NTRK2: variants seen among roughly 807,000 people sequenced by gnomAD.
NTRK2 encodes BDNF/NT-3 growth factors receptor.
NTRK2 carries 13 observed loss-of-function variants against 94.5 expected under a neutral mutation model. The observed-to-expected ratio is 0.14, with a 90% CI of 0.09 to 0.22. The LOEUF is 0.22. Ranked by LOEUF, NTRK2 falls within the 10% of genes least tolerant of loss-of-function variation. The probability of loss-of-function intolerance (pLI) is 1.00; values close to 1 mark genes in which losing one functional copy is unlikely to be tolerated. For missense variants in NTRK2, 639 were observed against 1,071.2 expected (o/e 0.60, Z 5.63); for synonymous variants, 372 against 407.4 (o/e 0.91, Z 1.05).
chr9:84,874,306 C>T (rs200641233), intron 14 of NTRK2: 37 of 1,065,254 alleles, frequency 3.5e-5, no homozygotes, highest in South Asian at 2.3e-4. Context: ...ATGGCACCAC[C>T]GGAGTTTTTC....
intron 12 of NTRK2, among the ~76,000 whole-genome samples, chr9:84,839,462 C>G (rs1254948345): frequency 1.3e-5 from 2 of 152,130 alleles, no homozygotes; most frequent in African/African-American, 4.8e-5. Context: ...ACTCTTGGAC[C>G]CGTCCTCCCA....
At chr9:84,926,111 TTCCTTCCTTCCTTCC>T (rs2077763208) in intron 14 of NTRK2, among the ~76,000 whole-genome samples, 2 of 44,436 alleles carry the variant, frequency 4.5e-5, no homozygotes, top group African/African-American at 1.4e-4. Flanking sequence ...CTTCCTTTCC[TTCCTTCCTTCCTTCC>T]TTCCTTCCTT....
chr9:84,870,297 C>G (rs1321941132), intron 14 of NTRK2, among the ~76,000 whole-genome samples: 1 of 102,514 alleles, frequency 9.8e-6, no homozygotes, highest in Non-Finnish European at 2.0e-5. Context: ...TATACATATA[C>G]ATGTACATAT....
At chr9:84,698,178 G>A (rs111789878) in intron 2 of NTRK2, among the ~76,000 whole-genome samples, 1,805 of 151,844 alleles carry the variant, frequency 0.012, 35 homozygotes, top group East Asian at 0.048. Context: ...CCTTTCCCAA[G>A]GCCACCTTCC....
At chr9:84,889,380 A>G (rs2076529973) in intron 14 of NTRK2, among the ~76,000 whole-genome samples, 1 of 152,198 alleles carries the variant, frequency 6.6e-6, no homozygotes, top group South Asian at 2.1e-4. Flanking sequence ...ACTTTTAAGT[A>G]AGACTCAAAA....
At chr9:84,969,348 A>C (rs761441455) in intron 17 of NTRK2, among the ~76,000 whole-genome samples, 1 of 152,242 alleles carries the variant, frequency 6.6e-6, no homozygotes, top group Non-Finnish European at 1.5e-5. Context: ...ACTTGTGTTA[A>C]AGGAAAAGTT....
chr9:84,805,007 TC>T (rs1200503117), intron 12 of NTRK2, among the ~76,000 whole-genome samples: 1 of 152,176 alleles, frequency 6.6e-6, no homozygotes, highest in Admixed American at 6.5e-5. Flanking sequence ...TTTAGGTGAT[TC>T]TGTGGATGGG....
chr9:84,951,983 T>C (rs1169105164), intron 16 of NTRK2, among the ~76,000 whole-genome samples: 1 of 152,200 alleles, frequency 6.6e-6, no homozygotes, highest in African/African-American at 2.4e-5. Flanking sequence ...ATAAAACACA[T>C]GTCTTTGCTT....
intron 10 of NTRK2, among the ~76,000 whole-genome samples, chr9:84,744,735 A>T (rs1012664335): frequency 1.3e-5 from 2 of 152,114 alleles, no homozygotes; most frequent in Non-Finnish European, 2.9e-5. Context: ...TTTGGGGCTG[A>T]CCAACAAGAC....
In NTRK2 at chr9:84,706,521, G is replaced by GTTTTTTTTTTTTTTTT. The variant is rs1173199220; in HGVS notation, c.360-1318_360-1317insTTTTTTTTTTTTTTTT. 7.2e-4 allele frequency among the ~76,000 whole-genome samples: 69 copies of GTTTTTTTTTTTTTTTT among 95,368 alleles called. 9 individuals carry two copies. The highest frequency in any genetic ancestry group is 0.011 in the Middle Eastern group (2 of 180). The allele number at this position is 95,368 out of a possible 152,430, so 62.6% of individuals were successfully genotyped here. The stretch of plus-strand genomic sequence containing the variant: ...TCAGATCTCATGTGTGTTATTTTTT[G>GTTTTTTTTTTTTTTTT]TTTTTGTTTTTTTTTTTTTTTTTTT... On this transcript the variant is annotated intron_variant, in intron 4 of 18. Coordinates refer to ENST00000277120, the MANE Select transcript of NTRK2 (RefSeq NM_006180.6).
At chr9:84,697,912 GTCTC>G (rs2060485856) in intron 2 of NTRK2, among the ~76,000 whole-genome samples, 2 of 151,988 alleles carry the variant, frequency 1.3e-5, no homozygotes, top group African/African-American at 2.4e-5. Context: ...TGCAGTCTCT[GTCTC>G]TCTTTCTTTC....
intron 12 of NTRK2, among the ~76,000 whole-genome samples, chr9:84,848,965 T>G (rs1161234913): frequency 6.6e-6 from 1 of 152,198 alleles, no homozygotes; most frequent in Non-Finnish European, 1.5e-5. Context: ...TTGTAAACAT[T>G]TATATATTAC....
intron 11 of NTRK2, among the ~76,000 whole-genome samples, chr9:84,748,138 A>C (rs2064260761): frequency 6.6e-6 from 1 of 152,200 alleles, no homozygotes; most frequent in Admixed American, 6.5e-5. Flanking sequence ...AAATATCCTC[A>C]GATGAAAACT....
chr9:84,820,655 C>T (rs951938466), intron 12 of NTRK2, among the ~76,000 whole-genome samples: 4 of 152,110 alleles, frequency 2.6e-5, no homozygotes, highest in African/African-American at 4.8e-5. Context: ...CTAAAAATTT[C>T]GAATATATTC....
At chr9:84,939,200 C>T (rs761610512) in intron 15 of NTRK2, among the ~76,000 whole-genome samples, 27 of 151,262 alleles carry the variant, frequency 1.8e-4, no homozygotes, top group African/African-American at 3.2e-4. Flanking sequence ...TATAGAATAA[C>T]GTAATCTAAC....
chr9:84,791,259 G>T (rs537983356), intron 12 of NTRK2, among the ~76,000 whole-genome samples: 41 of 152,168 alleles, frequency 2.7e-4, no homozygotes, highest in African/African-American at 9.2e-4. Context: ...ATTACTTGAG[G>T]ACTTTGACCA....
At chr9:84,888,152 A>C (rs1587831436) in intron 14 of NTRK2, among the ~76,000 whole-genome samples, 1 of 152,338 alleles carries the variant, frequency 6.6e-6, no homozygotes, top group East Asian at 1.9e-4. Context: ...TCTTGGGTTC[A>C]GATGTTAGAG....
intron 17 of NTRK2, among the ~76,000 whole-genome samples, chr9:84,992,403 G>A (rs1374837524): frequency 6.6e-6 from 1 of 152,012 alleles, no homozygotes; most frequent in Non-Finnish European, 1.5e-5. Flanking sequence ...GTTCTCGGGG[G>A]CTACTCCACT....
At chr9:84,676,866 A>G (rs531033939) in intron 2 of NTRK2, among the ~76,000 whole-genome samples, 5 of 152,324 alleles carry the variant, frequency 3.3e-5, no homozygotes, top group Non-Finnish European at 5.9e-5. Context: ...TGAGAGACCA[A>G]GTAATTGAAA....
Sources: gnomAD v4.1 joint callset for allele counts (sites outside exome capture counted in the v4.1 genomes callset) on GRCh38, gnomAD v4.1.1 for gene constraint, MANE v1.5 for transcripts, NCBI Gene and HGNC (gene_info 2026-07-23, HGNC 2026-07-21) for gene names.